The following ANKMY2 variants were observed in gnomAD, a reference collection of about 807,000 sequenced individuals.
ANKMY2 encodes ankyrin repeat and MYND domain containing 2.
ANKMY2 carries 36 observed loss-of-function variants against 50.4 expected under a neutral mutation model. The ratio of observed to expected loss-of-function variants is 0.71; its 90% CI spans 0.55 to 0.94. The LOEUF (loss-of-function observed/expected upper bound fraction) is 0.94, where lower values mean the gene tolerates loss of function less well. Ranked by LOEUF, ANKMY2 falls within the 40% of genes least tolerant of loss-of-function variation. The pLI is 0.00. For missense variants in ANKMY2, 565 were observed against 524.0 expected, an observed-to-expected ratio of 1.08 and a Z score of -0.76; for synonymous variants, 187 against 178.8, an observed-to-expected ratio of 1.05 and a Z score of -0.36.
intron 2 of ANKMY2, among the ~76,000 whole-genome samples, chr7:16,627,758 A>C (rs567349554): frequency 2.0e-5 from 3 of 152,174 alleles, no homozygotes; most frequent in Non-Finnish European, 4.4e-5. Context: ...TTTTGATCAT[A>C]CATATGATTT....
chr7:16,635,300 A>G (rs1781642198), intron 2 of ANKMY2, among the ~76,000 whole-genome samples: 1 of 152,184 alleles, frequency 6.6e-6, no homozygotes, highest in Admixed American at 6.5e-5. Context: ...TGGAAATGCA[A>G]ACTAATATAT....
Position 16,627,064 on chromosome 7 carries a change from C to T in ANKMY2, c.247G>A (p.Ala83Thr). The change falls in exon 3 of 10, where the codon GCC becomes ACC. Residue 83 changes from alanine to threonine, a missense_variant. Transcript: ENST00000306999. Reference protein sequence around the residue: ...NCHQHEHGYTALMFAALSGNK... With the variant: ...NCHQHEHGYTTLMFAALSGNK... ...CCAGAAAGTGCAGCAAACATGAGGG[C>T]TGTGTATCCATGTTCATGCTGATGA... 1 of 1,607,766 alleles carries T rather than the reference C, an allele frequency of 6.2e-7. No homozygotes were observed. Among genetic ancestry groups the T allele is most frequent in the Non-Finnish European group, 8.5e-7 (1 of 1,177,234 alleles).
chr7:16,600,928 T>A lies in ANKMY2; in HGVS notation c.1159A>T (p.Asn387Tyr). 6.3e-7 allele frequency: 1 copy of A among 1,593,132 alleles called. No homozygotes were observed. Among genetic ancestry groups the A allele is most frequent in the Non-Finnish European group, 8.5e-7 (1 of 1,169,934 alleles). ...QEENHGKLDV[N>Y]SNCVNEEQPE... ...TGCTCTTCATTAACACAGTTAGAAT[T>A]GACATCAAGTTTGCCGTCTGATTAA... Residue 387 changes from asparagine (N) to tyrosine (Y), a missense_variant, in exon 10 of 10, where the codon AAT becomes TAT. Transcript: ENST00000306999.
At chr7:16,631,337 T>C (rs1781578117) in intron 2 of ANKMY2, among the ~76,000 whole-genome samples, 1 of 152,220 alleles carries the variant, frequency 6.6e-6, no homozygotes, top group Non-Finnish European at 1.5e-5. Context: ...AATTTTTGCC[T>C]CTGTATTTAT....
intron 1 of ANKMY2, among the ~76,000 whole-genome samples, chr7:16,637,899 T>A (rs1781689576): frequency 6.6e-6 from 1 of 152,244 alleles, no homozygotes. Flanking sequence ...CAAAACCTGC[T>A]ACATGGGAAG....
At chr7:16,620,863 A>T (rs111655875) in intron 4 of ANKMY2, among the ~76,000 whole-genome samples, 4,444 of 152,328 alleles carry the variant, frequency 0.029, 230 homozygotes, top group African/African-American at 0.1. Flanking sequence ...TCATTGACAA[A>T]AAAAGGAATT....
chr7:16,634,220 A>T (rs1488092363), intron 2 of ANKMY2, among the ~76,000 whole-genome samples: 1 of 152,224 alleles, frequency 6.6e-6, no homozygotes, highest in Non-Finnish European at 1.5e-5. Flanking sequence ...TCTAGCCAAG[A>T]TATAGTAACA....
intron 1 of ANKMY2, among the ~76,000 whole-genome samples, chr7:16,641,672 CA>C (rs1283298408): frequency 6.6e-6 from 1 of 151,894 alleles, no homozygotes; most frequent in African/African-American, 2.4e-5. Context: ...AATGGATGCA[CA>C]AATAGTAGTA....
At chr7:16,634,869 T>A (rs1458936076) in intron 2 of ANKMY2, among the ~76,000 whole-genome samples, 1 of 152,018 alleles carries the variant, frequency 6.6e-6, no homozygotes, top group Non-Finnish European at 1.5e-5. Flanking sequence ...TTAACTGTGT[T>A]CATGAAAAAA....
chr7:16,640,401 A>G (rs1781728187), intron 1 of ANKMY2, among the ~76,000 whole-genome samples: 1 of 152,222 alleles, frequency 6.6e-6, no homozygotes, highest in Non-Finnish European at 1.5e-5. Context: ...GGTCTCTACC[A>G]AAGACAAGAA....
At chr7:16,621,657 A>C (rs2128344038) in intron 4 of ANKMY2, among the ~76,000 whole-genome samples, 1 of 152,234 alleles carries the variant, frequency 6.6e-6, no homozygotes, top group East Asian at 1.9e-4. Context: ...GGAAGCTATA[A>C]AAGAAAAAAT....
rs547105562 is a variant in ANKMY2 at position 16,616,574 on chromosome 7, C to G, written c.371-670G>C. On this transcript the variant is annotated intron_variant, in intron 4 of 9. Coordinates refer to ENST00000306999, the MANE Select transcript of ANKMY2 (RefSeq NM_020319.3). The stretch of plus-strand genomic sequence containing the variant: ...GTTTGCAAGTGTGCTCCTGCGGCGC[C>G]CCCCCCTCCCTAGCTCCCTCTCCAC... Among the ~76,000 whole-genome samples the G allele has an allele frequency of 1.6e-3, 246 of 149,126 alleles. 3 individuals are homozygous for G. Among genetic ancestry groups the G allele is most frequent in the African/African-American group, 5.9e-3 (229 of 39,104 alleles).
intron 2 of ANKMY2, among the ~76,000 whole-genome samples, chr7:16,635,444 C>T (rs1360919605): frequency 6.6e-6 from 1 of 152,098 alleles, no homozygotes; most frequent in Non-Finnish European, 1.5e-5. Context: ...GATGGTTTTA[C>T]AGGTATATAC....
intron 1 of ANKMY2, among the ~76,000 whole-genome samples, chr7:16,639,712 G>C (rs1282011793): frequency 6.6e-6 from 1 of 152,180 alleles, no homozygotes. Context: ...AGCCCAGGAA[G>C]TTGAGGCTGC....
chr7:16,615,618 G>A, intron 5 of ANKMY2, 126 bp downstream of exon 5: 1 of 1,157,350 alleles, frequency 8.6e-7, no homozygotes, highest in Non-Finnish European at 1.2e-6. Context: ...CAGGCCAAAA[G>A]AGCCCACTGC....
chr7:16,615,368 T>G (rs1362060504), intron 5 of ANKMY2, among the ~76,000 whole-genome samples: 1 of 152,184 alleles, frequency 6.6e-6, no homozygotes, highest in South Asian at 2.1e-4. Context: ...CTTGGTACTA[T>G]GTGGGAGGCT....
At chr7:16,628,462 A>G (rs1426831630) in intron 2 of ANKMY2, among the ~76,000 whole-genome samples, 1 of 151,372 alleles carries the variant, frequency 6.6e-6, no homozygotes, top group East Asian at 1.9e-4. Flanking sequence ...GATAACTTTG[A>G]AGACTCCCTT....
chr7:16,642,866 A>G (rs1351631426), intron 1 of ANKMY2, among the ~76,000 whole-genome samples: 1 of 152,170 alleles, frequency 6.6e-6, no homozygotes, highest in Non-Finnish European at 1.5e-5. Context: ...TGAATATTGT[A>G]TGGACTGCTA....
chr7:16,628,200 C>T (rs147863142), intron 2 of ANKMY2, among the ~76,000 whole-genome samples: 40 of 152,298 alleles, frequency 2.6e-4, no homozygotes, highest in African/African-American at 7.5e-4. Flanking sequence ...TTGGATGAAA[C>T]GCTCTGTAAA....
Sources: allele counts gnomAD v4.1 joint callset (sites outside exome capture counted in the v4.1 genomes callset), GRCh38; gene constraint gnomAD v4.1.1; transcripts MANE v1.5; gene names NCBI Gene and HGNC (gene_info 2026-07-23, HGNC 2026-07-21).